The following EPDR1 variants were observed in gnomAD, a reference collection of about 807,000 sequenced individuals.
The protein encoded by EPDR1 is mammalian ependymin-related protein 1.
Under a neutral mutation model 23.7 loss-of-function variants are expected in EPDR1, and 27 were observed. That is an observed-to-expected ratio of 1.14 (90% CI 0.84 to 1.57). The LOEUF is 1.57. EPDR1 is among the 40% of genes most tolerant of loss of function. The pLI, the probability that EPDR1 is intolerant of heterozygous loss-of-function variation, is 0.00. For synonymous variants in EPDR1, 137 were observed against 118.2 expected (o/e 1.16, Z -1.03); for missense variants, 349 against 290.4 (o/e 1.20, Z -1.47).
intron 1 of EPDR1, among the ~76,000 whole-genome samples, chr7:37,932,085 A>T (rs1336928450): frequency 1.3e-5 from 2 of 152,112 alleles, no homozygotes; most frequent in Admixed American, 1.3e-4. Context: ...CTTTCTGCTT[A>T]TCTGTTCTGG....
chr7:37,928,074 G>A (rs1785853721), intron 1 of EPDR1, among the ~76,000 whole-genome samples: 1 of 152,136 alleles, frequency 6.6e-6, no homozygotes, highest in African/African-American at 2.4e-5. Flanking sequence ...AGCAGGCACT[G>A]GGGAAAAAAG....
intron 1 of EPDR1, among the ~76,000 whole-genome samples, chr7:37,946,750 G>A (rs1162494660): frequency 1.3e-5 from 2 of 151,996 alleles, no homozygotes; most frequent in African/African-American, 2.4e-5. Flanking sequence ...ACCTTGTGTA[G>A]GCCTGGCTAA....
intron 1 of EPDR1, among the ~76,000 whole-genome samples, chr7:37,948,280 G>A (rs1343116080): frequency 6.6e-6 from 1 of 151,946 alleles, no homozygotes; most frequent in Non-Finnish European, 1.5e-5. Context: ...CTAAGCACAG[G>A]GTCTGGCATA....
chr7:37,937,678 C>A (rs1296060971), intron 1 of EPDR1, among the ~76,000 whole-genome samples: 5 of 152,148 alleles, frequency 3.3e-5, no homozygotes, highest in Non-Finnish European at 7.3e-5. Context: ...TCTGAGGTGC[C>A]TTATCTTTGA....
chr7:37,930,981 C>A (rs1438480018), intron 1 of EPDR1, among the ~76,000 whole-genome samples: 2 of 152,080 alleles, frequency 1.3e-5, no homozygotes, highest in East Asian at 3.9e-4. Context: ...TAGTTCACTG[C>A]AATTTATTTT....
At chr7:37,942,750 A>AT (rs1200363671) in intron 1 of EPDR1, among the ~76,000 whole-genome samples, 3 of 151,998 alleles carry the variant, frequency 2.0e-5, no homozygotes, top group African/African-American at 4.8e-5. Flanking sequence ...AGATTGCTTA[A>AT]TTTTTTTATA....
intron 1 of EPDR1, among the ~76,000 whole-genome samples, chr7:37,931,004 G>A (rs577819150): frequency 3.9e-4 from 59 of 151,592 alleles, no homozygotes; most frequent in African/African-American, 5.3e-4. Context: ...ACTAATTTTC[G>A]TATTTACCTT....
chr7:37,926,988 T>C (rs567647308), intron 1 of EPDR1, among the ~76,000 whole-genome samples: 1 of 152,342 alleles, frequency 6.6e-6, no homozygotes, highest in Non-Finnish European at 1.5e-5. Flanking sequence ...CCTCTTCAAA[T>C]TGGTTTCTAT....
intron 1 of EPDR1, among the ~76,000 whole-genome samples, chr7:37,934,168 G>C (rs540577500): frequency 1.5e-3 from 225 of 152,160 alleles, no homozygotes; most frequent in African/African-American, 5.3e-3. Flanking sequence ...AGTAGAGACG[G>C]AGTTTCACTG....
At position 37,950,510 on chromosome 7, in the gene EPDR1, G is replaced by T; in HGVS notation, c.*114G>T. ...CTAATTGGAGAGAAATATAATTTTA[G>T]GAAGATGCACATTGATGTGGGGTTT... On this transcript the variant is annotated 3_prime_UTR_variant, in exon 3 of 3. Coordinates refer to ENST00000199448, the MANE Select transcript of EPDR1 (RefSeq NM_017549.5). 9.9e-7 allele frequency: 1 copy of T among 1,010,948 alleles called. No individual in the cohort carries two copies. The allele number at this position is 1,010,948 out of a possible 1,614,324, so 62.6% of individuals were successfully genotyped here. A position where few individuals can be genotyped will look rare whatever the true frequency, so the allele number is the denominator to read the frequency against.
At chr7:37,928,664 T>C (rs1015581467) in intron 1 of EPDR1, among the ~76,000 whole-genome samples, 2 of 152,202 alleles carry the variant, frequency 1.3e-5, no homozygotes, top group African/African-American at 4.8e-5. Flanking sequence ...GCTTTCAACA[T>C]GCTAGTCTTC....
rs181967983 is a variant in EPDR1 at position 37,942,916 on chromosome 7, G to C, written c.270-5924G>C. 1.8e-3 allele frequency among the ~76,000 whole-genome samples: 267 copies of C among 152,306 alleles called. 1 individual carries two copies. The highest frequency in any genetic ancestry group is 0.01 in the South Asian group (50 of 4,828). On this transcript the variant is annotated intron_variant, in intron 1 of 2. Coordinates refer to ENST00000199448, the MANE Select transcript of EPDR1 (RefSeq NM_017549.5). Reference sequence around the variant, plus strand: ...AATGGAAATTGTCAATGTAACCTGAGAATTTTAGTAAAAGCAACAAAAATC... The same window carrying C: ...AATGGAAATTGTCAATGTAACCTGACAATTTTAGTAAAAGCAACAAAAATC...
chr7:37,933,693 GT>G (rs922905778), intron 1 of EPDR1, among the ~76,000 whole-genome samples: 25 of 152,238 alleles, frequency 1.6e-4, no homozygotes, highest in Admixed American at 4.6e-4. Context: ...GGTATTTGGG[GT>G]TCTAGGATTA....
Position 37,948,929 on chromosome 7 carries a change from A to G in EPDR1, c.359A>G (p.Gln120Arg). Reference sequence around the variant, plus strand: ...CAGTGCTCAAAGATGACCCTGACACAGCCCTGGGATCCTCTTGACATTCCT... The same window carrying G: ...CAGTGCTCAAAGATGACCCTGACACGGCCCTGGGATCCTCTTGACATTCCT... ...TKQCSKMTLT[Q>R]PWDPLDIPQN... Residue 120 changes from glutamine to arginine, a missense_variant, in exon 2 of 3, where the codon CAG (glutamine) becomes CGG (arginine). Transcript: ENST00000199448. 1 of 1,614,164 alleles carries G rather than the reference A, an allele frequency of 6.2e-7. No homozygotes were observed. Among genetic ancestry groups the G allele is most frequent in the African/African-American group, 1.3e-5 (1 of 75,024 alleles).
At chr7:37,942,416 G>C (rs540128737) in intron 1 of EPDR1, among the ~76,000 whole-genome samples, 1 of 152,296 alleles carries the variant, frequency 6.6e-6, no homozygotes, top group African/African-American at 2.4e-5. Context: ...CTCATAGAAT[G>C]GTGGTTGCCA....
intron 1 of EPDR1, among the ~76,000 whole-genome samples, chr7:37,935,962 C>T (rs1397727019): frequency 3.6e-5 from 4 of 111,426 alleles, no homozygotes; most frequent in South Asian, 2.7e-4. Flanking sequence ...ATAATCTAAA[C>T]GGACATGATT....
Position 37,947,593 on chromosome 7 carries a change from T to C in EPDR1, c.270-1247T>C, listed in dbSNP as rs571047456. ...TGGGTCTCATAAGCCACAGATAATT[T>C]GTTGGCTATTTTTATTTGCTGATGA... is the stretch of plus-strand genomic sequence containing the variant. On this transcript the variant is annotated intron_variant, in intron 1 of 2. Coordinates refer to ENST00000199448, the MANE Select transcript of EPDR1 (RefSeq NM_017549.5). Among the ~76,000 whole-genome samples, 46 of 152,300 alleles carry C rather than the reference T, an allele frequency of 3.0e-4. 1 individual carries two copies. Among genetic ancestry groups the C allele is most frequent in the Middle Eastern group, 6.8e-3 (2 of 294 alleles).
Position 37,950,643 on chromosome 7 carries a change from T to C in EPDR1, c.*247T>C, listed in dbSNP as rs1786385406. 4 of 478,380 alleles carry C rather than the reference T, an allele frequency of 8.4e-6. No individual in the cohort carries two copies. The Admixed American group carries it at 1.4e-4, about 16-fold the overall frequency. The allele number at this position is 478,380 out of a possible 1,614,324, so 29.6% of individuals were successfully genotyped here. A position where few individuals can be genotyped will look rare whatever the true frequency, so the allele number is the denominator to read the frequency against. On this transcript the variant is annotated 3_prime_UTR_variant, in exon 3 of 3. Transcript: ENST00000199448. ...ATGGCTAATATGGACACTTTGGGTA[T>C]TTCTAATGCCTGTTCAGGGCTGGTT...
intron 1 of EPDR1, among the ~76,000 whole-genome samples, chr7:37,936,994 T>C (rs1406357192): frequency 6.6e-6 from 1 of 152,150 alleles, no homozygotes; most frequent in Non-Finnish European, 1.5e-5. Flanking sequence ...ACTAGTAAAT[T>C]TGACCAAATG....
Sources: gnomAD v4.1 joint callset for allele counts (sites outside exome capture counted in the v4.1 genomes callset) on GRCh38, gnomAD v4.1.1 for gene constraint, MANE v1.5 for transcripts, NCBI Gene and HGNC (gene_info 2026-07-23, HGNC 2026-07-21) for gene names.